The following METAP2 variants were observed in gnomAD, a reference collection of about 807,000 sequenced individuals.
METAP2 encodes methionyl aminopeptidase 2, also known as methionine aminopeptidase 2.
METAP2 carries 25 observed loss-of-function variants against 59.4 expected under a neutral mutation model. The observed-to-expected ratio is 0.42, with a 90% CI of 0.31 to 0.59. METAP2 has a LOEUF of 0.59. Ranked by LOEUF, METAP2 falls within the 20% of genes least tolerant of loss-of-function variation. METAP2 has a pLI of 0.16. For synonymous variants in METAP2, 214 were observed against 194.1 expected (o/e 1.10, Z -0.85); for missense variants, 366 against 581.2 (o/e 0.63, Z 3.81).
chr12:95,490,464 A>G (rs2076229470), intron 4 of METAP2, among the ~76,000 whole-genome samples: 2 of 151,110 alleles, frequency 1.3e-5, no homozygotes, highest in Middle Eastern at 6.8e-3. Context: ...GTGTATTGTT[A>G]CTAGTTTTTT....
At chr12:95,476,934 A>G (rs775309590) in intron 2 of METAP2, among the ~76,000 whole-genome samples, 1 of 151,990 alleles carries the variant, frequency 6.6e-6, no homozygotes, top group African/African-American at 2.4e-5. Flanking sequence ...GTCTTTTCCT[A>G]TTTATTTTGA....
At chr12:95,476,313 C>T in intron 2 of METAP2, 135 bp downstream of exon 2, 1 of 472,134 alleles carries the variant, frequency 2.1e-6, no homozygotes, top group South Asian at 3.0e-5. Context: ...TCGAGACCAG[C>T]CTGGCCAACA....
chr12:95,475,570 A>G (rs2076111930), intron 1 of METAP2, among the ~76,000 whole-genome samples: 1 of 152,248 alleles, frequency 6.6e-6, no homozygotes, highest in African/African-American at 2.4e-5. Context: ...CTTCCAGAGC[A>G]GGGGCCTGGT....
intron 8 of METAP2, 114 bp downstream of exon 8, chr12:95,504,275 A>G: frequency 1.4e-6 from 1 of 695,108 alleles, no homozygotes; most frequent in Non-Finnish European, 2.4e-6. Context: ...AGGAAAGAAG[A>G]CGGGAAATGA....
At chr12:95,507,983 A>G (rs1457197050) in intron 8 of METAP2, among the ~76,000 whole-genome samples, 1 of 133,146 alleles carries the variant, frequency 7.5e-6, no homozygotes, top group Non-Finnish European at 1.6e-5. Context: ...GTGTTTCTCC[A>G]TGTTGGTCAG....
At chr12:95,483,322 T>A (rs1232215153) in intron 3 of METAP2, 42 bp downstream of exon 3, 3 of 1,503,158 alleles carry the variant, frequency 2.0e-6, no homozygotes. Context: ...ATTAGAAGTG[T>A]TTATTCTGTC....
At chr12:95,493,337 C>G (rs1360560939) in intron 4 of METAP2, among the ~76,000 whole-genome samples, 2 of 152,102 alleles carry the variant, frequency 1.3e-5, no homozygotes, top group African/African-American at 4.8e-5. Flanking sequence ...TAAAAATTAG[C>G]TGGGTGTGCT....
chr12:95,493,588 T>C (rs552475598), intron 4 of METAP2, among the ~76,000 whole-genome samples: 1 of 152,364 alleles, frequency 6.6e-6, no homozygotes, highest in African/African-American at 2.4e-5. Flanking sequence ...ACGCATGTAA[T>C]ATGTGTTTTG....
Position 95,514,054 on chromosome 12 carries a change from G to A in METAP2, c.*150G>A, listed in dbSNP as rs1175195000. The A allele has an allele frequency of 8.3e-6, 8 of 960,678 alleles. No individual in the cohort carries two copies. In the East Asian group the frequency reaches 2.2e-4, roughly 27 times the overall value. 59.5% of individuals were successfully genotyped at this position (960,678 alleles called of 1,614,324 possible). A position where few individuals can be genotyped will look rare whatever the true frequency, so the allele number is the denominator to read the frequency against. ...TTAAAAAAGAAGGAATTTGGACAAA[G>A]GCAAACCGTCTAATGTAATTAACCA... On this transcript the variant is annotated 3_prime_UTR_variant, in exon 11 of 11. Coordinates refer to ENST00000323666, the MANE Select transcript of METAP2 (RefSeq NM_006838.4).
In METAP2 at chr12:95,494,817, T is replaced by C. The variant is rs923674718; in HGVS notation, c.591-140T>C. On this transcript the variant is annotated intron_variant, in intron 5 of 10. Coordinates refer to ENST00000323666, the MANE Select transcript of METAP2 (RefSeq NM_006838.4). Reference sequence around the variant, plus strand: ...GCATCAGAGAACTGTTATTTATTTATATTCAGAAAGTGCTCAGATCATTCC... The same window carrying C: ...GCATCAGAGAACTGTTATTTATTTACATTCAGAAAGTGCTCAGATCATTCC... The C allele has an allele frequency of 7.3e-6, 4 of 550,854 alleles. No homozygotes were observed. In the East Asian group the frequency reaches 1.1e-4, roughly 16 times the overall value. The allele number at this position is 550,854 out of a possible 1,614,324, so 34.1% of individuals were successfully genotyped here.
chr12:95,515,112 A>G lies in METAP2; in HGVS notation c.*1208A>G, dbSNP rs1339279912. Reference sequence around the variant, plus strand: ...ATATATCAAGGTAGCCTTAATTTGTATATGTTTCAGTACAATGAGATTTTA... The same window carrying G: ...ATATATCAAGGTAGCCTTAATTTGTGTATGTTTCAGTACAATGAGATTTTA... On this transcript the variant is annotated 3_prime_UTR_variant, in exon 11 of 11. Transcript: ENST00000323666. 1 of 152,628 alleles carries G rather than the reference A, an allele frequency of 6.6e-6. No homozygotes were observed. Among genetic ancestry groups the G allele is most frequent in the Non-Finnish European group, 1.5e-5 (1 of 68,030 alleles). The allele number at this position is 152,628 out of a possible 1,614,324, so 9.5% of individuals were successfully genotyped here. A position where few individuals can be genotyped will look rare whatever the true frequency, so the allele number is the denominator to read the frequency against.
Position 95,488,192 on chromosome 12 carries a change from G to A in METAP2, c.428+2211G>A, listed in dbSNP as rs2076211463. Among the ~76,000 whole-genome samples the A allele has an allele frequency of 3.3e-5, 5 of 151,916 alleles. No homozygotes were observed. The South Asian group carries it at 1.0e-3, about 32-fold the overall frequency. ...TTTTAAATTTTTAAATGCATTATGT[G>A]TCCATGTTTAATACTTCTGAGTTCC... On this transcript the variant is annotated intron_variant, in intron 4 of 10. Coordinates refer to ENST00000323666, the MANE Select transcript of METAP2 (RefSeq NM_006838.4).
intron 8 of METAP2, among the ~76,000 whole-genome samples, chr12:95,507,591 G>A (rs1409029667): frequency 6.6e-6 from 1 of 152,246 alleles, no homozygotes; most frequent in Non-Finnish European, 1.5e-5. Flanking sequence ...TTTTTAAATT[G>A]TTAGCTCAAA....
intron 4 of METAP2, among the ~76,000 whole-genome samples, chr12:95,491,608 T>C (rs2076238068): frequency 2.0e-5 from 3 of 150,124 alleles, no homozygotes; most frequent in African/African-American, 7.4e-5. Context: ...CCTCCCAGGC[T>C]CAAGCAGTTC....
intron 4 of METAP2, among the ~76,000 whole-genome samples, chr12:95,489,436 A>G (rs2076221342): frequency 6.6e-6 from 1 of 152,248 alleles, no homozygotes; most frequent in Non-Finnish European, 1.5e-5. Flanking sequence ...CTGGAGAAAT[A>G]CAGAATAAGT....
At chr12:95,481,057 C>CT (rs761761602) in intron 2 of METAP2, among the ~76,000 whole-genome samples, 33 of 152,078 alleles carry the variant, frequency 2.2e-4, no homozygotes, top group Non-Finnish European at 2.9e-4. Context: ...GCTTGAGACT[C>CT]TTTTTTTTAA....
chr12:95,494,027 A>T, intron 4 of METAP2, 29 bp from the exon 5 acceptor site: 1 of 1,597,296 alleles, frequency 6.3e-7, no homozygotes, highest in Non-Finnish European at 8.6e-7. Context: ...CTGTTTTATC[A>T]CTAATAGTAT....
chr12:95,504,233 C>A, intron 8 of METAP2, 72 bp downstream of exon 8: 1 of 966,570 alleles, frequency 1.0e-6, no homozygotes, highest in South Asian at 1.5e-5. Flanking sequence ...TTCTTTGGGT[C>A]AGCTGCTTCA....
chr12:95,509,717 C>T (rs1200872793), intron 8 of METAP2, among the ~76,000 whole-genome samples: 1 of 152,090 alleles, frequency 6.6e-6, no homozygotes, highest in Non-Finnish European at 1.5e-5. Flanking sequence ...GTTTTTCTTG[C>T]TGTCCCACTA....
Sources: allele counts gnomAD v4.1 joint callset (sites outside exome capture counted in the v4.1 genomes callset), GRCh38; gene constraint gnomAD v4.1.1; transcripts MANE v1.5; gene names NCBI Gene and HGNC (gene_info 2026-07-23, HGNC 2026-07-21).